IL1RAPL1: variants seen among roughly 807,000 people sequenced by gnomAD.
IL1RAPL1 encodes interleukin 1 receptor accessory protein like 1, also known as interleukin-1 receptor accessory protein-like 1.
Under a neutral mutation model 48.4 loss-of-function variants are expected in IL1RAPL1, and 3 were observed. The ratio of observed to expected loss-of-function variants is 0.06; its 90% confidence interval spans 0.03 to 0.16. The LOEUF (loss-of-function observed/expected upper bound fraction) is 0.16, where lower values mean the gene tolerates loss of function less well. IL1RAPL1 is among the 10% of genes least tolerant of loss of function. The pLI, the probability that IL1RAPL1 is intolerant of heterozygous loss-of-function variation, is 1.00. For synonymous variants in IL1RAPL1, 185 were observed against 187.7 expected (o/e 0.99, Z 0.12); for missense variants, 349 against 530.6 (o/e 0.66, Z 3.36).
At chrX:29,739,178 T>C (rs1268412278) in intron 6 of IL1RAPL1, among the ~76,000 whole-genome samples, 1 of 112,635 alleles carries the variant, frequency 8.9e-6, no homozygotes, top group Non-Finnish European at 1.9e-5. Flanking sequence ...CGTCTGGCTC[T>C]AGATTCCTTT....
intron 2 of IL1RAPL1, among the ~76,000 whole-genome samples, chrX:29,177,221 T>C (rs1930042443): frequency 1.8e-5 from 2 of 111,876 alleles, no homozygotes; most frequent in African/African-American, 6.5e-5. Context: ...GCAGGGGGGA[T>C]GCCTTTCTTT....
At chrX:29,910,981 C>T (rs1414139040) in intron 6 of IL1RAPL1, among the ~76,000 whole-genome samples, 1 of 111,459 alleles carries the variant, frequency 9.0e-6, no homozygotes. Context: ...AATATTTAAA[C>T]ATAAGATTCT....
At chrX:29,460,140 G>T (rs1234257147) in intron 5 of IL1RAPL1, among the ~76,000 whole-genome samples, 2 of 111,895 alleles carry the variant, frequency 1.8e-5, no homozygotes, top group East Asian at 5.6e-4. Flanking sequence ...CAGTAAAACA[G>T]CCGTCTTCTA....
intron 3 of IL1RAPL1, among the ~76,000 whole-genome samples, chrX:29,284,056 A>G (rs1037622192): frequency 1.8e-5 from 2 of 112,673 alleles, no homozygotes; most frequent in Non-Finnish European, 3.7e-5. Context: ...GTTTAAATCT[A>G]TTTATTTGGC....
At chrX:28,626,812 T>C (rs1934345591) in intron 1 of IL1RAPL1, among the ~76,000 whole-genome samples, 1 of 112,188 alleles carries the variant, frequency 8.9e-6, no homozygotes, top group African/African-American at 3.2e-5. Context: ...GATGTGATCA[T>C]TCATTTTGCT....
At chrX:28,636,871 C>T (rs770585957) in intron 1 of IL1RAPL1, among the ~76,000 whole-genome samples, 6 of 111,571 alleles carry the variant, frequency 5.4e-5, no homozygotes, top group East Asian at 2.8e-4. Context: ...AAGGTGAATA[C>T]GCTTAACTAA....
chrX:29,144,167 G>A (rs1255589556), intron 2 of IL1RAPL1, among the ~76,000 whole-genome samples: 1 of 111,267 alleles, frequency 9.0e-6, no homozygotes, highest in Non-Finnish European at 1.9e-5. Context: ...AGGCAACAAG[G>A]GCTATATACC....
intron 2 of IL1RAPL1, among the ~76,000 whole-genome samples, chrX:28,899,268 A>G (rs1923013667): frequency 9.0e-6 from 1 of 111,483 alleles, no homozygotes; most frequent in Non-Finnish European, 1.9e-5. Context: ...TGTGGGGATT[A>G]TAATTCAAGA....
intron 5 of IL1RAPL1, among the ~76,000 whole-genome samples, chrX:29,521,629 A>T (rs752261475): frequency 1.8e-5 from 2 of 112,159 alleles, no homozygotes; most frequent in Non-Finnish European, 3.8e-5. Flanking sequence ...GGTGTGCACC[A>T]TCACGCTCAG....
intron 2 of IL1RAPL1, among the ~76,000 whole-genome samples, chrX:28,994,069 GAAA>G (rs368814077): frequency 9.6e-6 from 1 of 104,504 alleles, no homozygotes; most frequent in Non-Finnish European, 2.0e-5. Flanking sequence ...GGCATTTTAA[GAAA>G]AAAAAAAGTA....
chrX:29,390,525 T>C (rs1933840671), intron 3 of IL1RAPL1, among the ~76,000 whole-genome samples: 1 of 111,690 alleles, frequency 9.0e-6, no homozygotes, highest in Admixed American at 9.5e-5. Flanking sequence ...ATGAAAATGG[T>C]ATTTCCCTTA....
At chrX:29,191,734 C>A (rs1466782925) in intron 2 of IL1RAPL1, among the ~76,000 whole-genome samples, 2 of 111,406 alleles carry the variant, frequency 1.8e-5, no homozygotes, top group Admixed American at 1.9e-4. Context: ...GCACCGACCT[C>A]CCCCATGGAG....
intron 2 of IL1RAPL1, among the ~76,000 whole-genome samples, chrX:29,201,693 AT>A (rs11361698): frequency 0.19 from 18,562 of 100,042 alleles, 2,571 homozygotes; most frequent in African/African-American, 0.47. Flanking sequence ...ATCATTATTG[AT>A]TTTTTTTTTT....
intron 8 of IL1RAPL1, among the ~76,000 whole-genome samples, chrX:29,925,410 C>CTTTTTTTTTTTT (rs1569204989): frequency 1.6e-4 from 1 of 6,064 alleles, no homozygotes; most frequent in African/African-American, 3.6e-4. Flanking sequence ...TGTCCCGTAA[C>CTTTTTTTTTTTT]TGTTTTTTTT....
At chrX:28,590,884 C>T (rs1272160104) in intron 1 of IL1RAPL1, among the ~76,000 whole-genome samples, 2 of 112,047 alleles carry the variant, frequency 1.8e-5, no homozygotes, top group African/African-American at 6.5e-5. Context: ...TAATTGCTAA[C>T]TCCTTACTTG....
rs1928735075 is a variant in IL1RAPL1 at position 29,760,838 on chromosome X, A to C, written c.778+92334A>C. On this transcript the variant is annotated intron_variant, in intron 6 of 10. Transcript: ENST00000378993. ...TGATGATACTAAGGCACACTAATGC[A>C]TAAAAATAATATATAATGAATTATT... Among the ~76,000 whole-genome samples the C allele has an allele frequency of 2.7e-5, 3 of 112,247 alleles. No homozygotes were observed. In the Admixed American group the frequency reaches 2.8e-4, roughly 11 times the overall value.
At chrX:29,492,657 A>G (rs1935171007) in intron 5 of IL1RAPL1, among the ~76,000 whole-genome samples, 1 of 111,833 alleles carries the variant, frequency 8.9e-6, no homozygotes, top group Non-Finnish European at 1.9e-5. Flanking sequence ...TTAAAGACTC[A>G]TGTGATCAGT....
chrX:29,414,839 AT>A (rs1306345685), intron 5 of IL1RAPL1, among the ~76,000 whole-genome samples: 2 of 111,768 alleles, frequency 1.8e-5, no homozygotes, highest in Admixed American at 9.5e-5. Context: ...TAGTTTTGAC[AT>A]CAGCAAAATT....
chrX:29,697,869 C>T (rs886787944), intron 6 of IL1RAPL1, among the ~76,000 whole-genome samples: 1 of 112,026 alleles, frequency 8.9e-6, no homozygotes, highest in African/African-American at 3.2e-5. Context: ...CACATCTACA[C>T]TTGCTCCCTT....
Sources: allele counts gnomAD v4.1 joint callset (sites outside exome capture counted in the v4.1 genomes callset), GRCh38; gene constraint gnomAD v4.1.1; transcripts MANE v1.5; gene names NCBI Gene and HGNC (gene_info 2026-07-23, HGNC 2026-07-21).